GCNT2: variants seen among roughly 807,000 people sequenced by gnomAD.
GCNT2 encodes glucosaminyl (N-acetyl) transferase 2 (I blood group), also known as N-acetyllactosaminide beta-1,6-N-acetylglucosaminyl-transferase.
Under a neutral mutation model 34.2 loss-of-function variants are expected in GCNT2, and 34 were observed. That is an observed-to-expected ratio of 1.00 (90% CI 0.76 to 1.32). GCNT2 has a LOEUF of 1.32. GCNT2 is among the 40% of genes most tolerant of loss of function. GCNT2 has a pLI of 0.00. For missense variants in GCNT2, 584 were observed against 489.4 expected (o/e 1.19, Z -1.82); for synonymous variants, 212 against 188.0 (o/e 1.13, Z -1.04).
At chr6:10,572,760 A>C (rs761360776) in intron 3 of GCNT2, among the ~76,000 whole-genome samples, 1 of 152,134 alleles carries the variant, frequency 6.6e-6, no homozygotes, top group Non-Finnish European at 1.5e-5. Flanking sequence ...AAAAATAAAA[A>C]ATAAAAGGAT....
At chr6:10,570,526 T>C (rs1763510993) in intron 3 of GCNT2, among the ~76,000 whole-genome samples, 1 of 152,264 alleles carries the variant, frequency 6.6e-6, no homozygotes, top group African/African-American at 2.4e-5. Flanking sequence ...TACTGATAAA[T>C]TTAGCTTCGT....
intron 3 of GCNT2, chr6:10,575,351 G>C (rs1763758805): frequency 6.1e-6 from 1 of 163,564 alleles, no homozygotes; most frequent in Non-Finnish European, 1.3e-5. Context: ...CAAAAGGCTG[G>C]GTTGACATTT....
intron 3 of GCNT2, among the ~76,000 whole-genome samples, chr6:10,541,604 G>A (rs975178314): frequency 2.6e-5 from 4 of 152,130 alleles, no homozygotes; most frequent in African/African-American, 9.7e-5. Context: ...AGTTAGCAGA[G>A]TTATTTTGGC....
intron 3 of GCNT2, among the ~76,000 whole-genome samples, chr6:10,569,715 C>T (rs1197303767): frequency 1.3e-5 from 2 of 152,170 alleles, no homozygotes; most frequent in Non-Finnish European, 2.9e-5. Context: ...ATGCCCTAAG[C>T]AAAAATATGT....
At chr6:10,579,841 A>AAC (rs1554133195) in intron 3 of GCNT2, among the ~76,000 whole-genome samples, 21,992 of 148,786 alleles carry the variant, frequency 0.15, 1,766 homozygotes, top group Middle Eastern at 0.21. Flanking sequence ...AAAAAAAAAA[A>AAC]AAAAAAACAA....
chr6:10,596,477 C>T (rs946623372), intron 3 of GCNT2, among the ~76,000 whole-genome samples: 32 of 151,782 alleles, frequency 2.1e-4, no homozygotes, highest in African/African-American at 5.6e-4. Flanking sequence ...GCTGAGATTG[C>T]GCCACTGCAC....
intron 4 of GCNT2, among the ~76,000 whole-genome samples, chr6:10,623,253 A>G: frequency 6.8e-6 from 1 of 146,186 alleles, no homozygotes; most frequent in Non-Finnish European, 1.5e-5. Flanking sequence ...ATCAGCCTGT[A>G]TTTTCTCCAG....
intron 3 of GCNT2, among the ~76,000 whole-genome samples, chr6:10,566,290 T>C (rs1379342548): frequency 1.3e-5 from 2 of 152,152 alleles, no homozygotes; most frequent in African/African-American, 4.8e-5. Flanking sequence ...GGTCTTTTTA[T>C]TTTTAATCTT....
At chr6:10,576,482 A>G (rs554352475) in intron 3 of GCNT2, among the ~76,000 whole-genome samples, 14 of 152,180 alleles carry the variant, frequency 9.2e-5, no homozygotes, top group Non-Finnish European at 1.3e-4. Context: ...TGAGTTTCCT[A>G]GATAATTGAA....
At chr6:10,537,420 G>T (rs992284384) in intron 3 of GCNT2, among the ~76,000 whole-genome samples, 3 of 151,912 alleles carry the variant, frequency 2.0e-5, no homozygotes, top group Non-Finnish European at 4.4e-5. Context: ...GCATTTAATG[G>T]CCACGTGGGG....
rs540975681 is a variant in GCNT2, at chr6:10,580,919, G to C, written c.926-40432G>C. The stretch of plus-strand genomic sequence containing the variant: ...GCCATAGTCCTTGTGCTGTCTTCTT[G>C]TTTGTGACCGTAAAAGTTATCCTGG... On this transcript the variant is annotated intron_variant, in intron 3 of 4. Coordinates refer to ENST00000495262, the MANE Select transcript of GCNT2 (RefSeq NM_145649.5). Among the ~76,000 whole-genome samples, 451 of 152,320 alleles carry C rather than the reference G, an allele frequency of 3.0e-3. 2 individuals are homozygous for C. Among genetic ancestry groups the C allele is most frequent in the African/African-American group, 0.01 (430 of 41,568 alleles).
At chr6:10,583,358 G>T (rs1764205172) in intron 3 of GCNT2, among the ~76,000 whole-genome samples, 1 of 152,146 alleles carries the variant, frequency 6.6e-6, no homozygotes, top group Admixed American at 6.6e-5. Flanking sequence ...TGTTCCAACT[G>T]GCACAAGCCC....
intron 3 of GCNT2, among the ~76,000 whole-genome samples, chr6:10,530,744 A>C (rs569110386): frequency 2.0e-5 from 3 of 152,114 alleles, no homozygotes; most frequent in South Asian, 2.1e-4. Flanking sequence ...AACAAACAAA[A>C]AAACCTTATT....
intron 3 of GCNT2, among the ~76,000 whole-genome samples, chr6:10,577,116 C>T (rs2127402846): frequency 6.6e-6 from 1 of 152,308 alleles, no homozygotes; most frequent in South Asian, 2.1e-4. Context: ...AAAAGAAGCA[C>T]TCAGGAGGCT....
At chr6:10,608,073 CTTTTTTT>C (rs576372819) in intron 3 of GCNT2, among the ~76,000 whole-genome samples, 1 of 124,764 alleles carries the variant, frequency 8.0e-6, no homozygotes, top group South Asian at 2.5e-4. Context: ...ATGGTATGCA[CTTTTTTT>C]TTTTTTTTTT....
At chr6:10,548,601 GT>G (rs1318296219) in intron 3 of GCNT2, among the ~76,000 whole-genome samples, 1 of 152,110 alleles carries the variant, frequency 6.6e-6, no homozygotes, top group African/African-American at 2.4e-5. Context: ...ATAAAATCTT[GT>G]TTTTGTACTT....
intron 3 of GCNT2, chr6:10,555,738 C>T (rs1458790989): frequency 1.0e-6 from 1 of 985,396 alleles, no homozygotes; most frequent in Admixed American, 6.1e-5. Flanking sequence ...TTTTGAAAAA[C>T]AGTGGGGTGG....
intron 3 of GCNT2, chr6:10,586,115 G>T (rs938623177): frequency 6.2e-7 from 1 of 1,614,158 alleles, no homozygotes; most frequent in Admixed American, 1.7e-5. Context: ...CCAGTGAAAG[G>T]TATTTTAGGA....
chr6:10,549,991 G>A (rs753100237), intron 3 of GCNT2, among the ~76,000 whole-genome samples: 19 of 152,132 alleles, frequency 1.2e-4, no homozygotes, highest in Non-Finnish European at 2.2e-4. Context: ...CTAGTGGTTA[G>A]ATTGTCCATC....
Sources: allele counts gnomAD v4.1 joint callset (sites outside exome capture counted in the v4.1 genomes callset), GRCh38; gene constraint gnomAD v4.1.1; transcripts MANE v1.5; gene names NCBI Gene and HGNC (gene_info 2026-07-23, HGNC 2026-07-21).